Variants in PRDM6 observed in about 807,000 individuals in gnomAD.
PRDM6 encodes putative histone-lysine N-methyltransferase PRDM6.
A neutral mutation model predicts 60.8 loss-of-function variants in PRDM6; 25 were observed. The ratio of observed to expected loss-of-function variants is 0.41; its 90% CI spans 0.30 to 0.57. PRDM6 has a LOEUF of 0.57. Among genes scored for constraint, PRDM6 ranks in the 20% least tolerant of loss-of-function variants. PRDM6 has a pLI of 0.27. For synonymous variants in PRDM6, 407 were observed against 357.4 expected, an observed-to-expected ratio of 1.14 and a Z score of -1.57; for missense variants, 839 against 821.3, an observed-to-expected ratio of 1.02 and a Z score of -0.26.
At chr5:123,089,836 A>G (rs1312905327) in intron 1 of PRDM6, among the ~76,000 whole-genome samples, 164 bp from the exon 2 acceptor site, 1 of 151,706 alleles carries the variant, frequency 6.6e-6, no homozygotes, top group Admixed American at 6.5e-5. Context: ...GCAGCTTCGG[A>G]GTAAACTTTG....
chr5:123,158,604 T>C (rs1342797601), intron 4 of PRDM6, among the ~76,000 whole-genome samples: 3 of 152,212 alleles, frequency 2.0e-5, no homozygotes, highest in Non-Finnish European at 2.9e-5. Flanking sequence ...TGACAAAATA[T>C]GTTGACAAGT....
intron 3 of PRDM6, among the ~76,000 whole-genome samples, chr5:123,129,032 A>G (rs1229260070): frequency 2.0e-5 from 3 of 152,274 alleles, no homozygotes; most frequent in African/African-American, 4.8e-5. Flanking sequence ...TCGTTTCCCC[A>G]TTTCTTATTT....
chr5:123,141,049 G>A (rs1765087243), intron 3 of PRDM6, among the ~76,000 whole-genome samples: 1 of 151,906 alleles, frequency 6.6e-6, no homozygotes, highest in South Asian at 2.1e-4. Flanking sequence ...ATAGAGAAAA[G>A]TATAAGCCAT....
At chr5:123,161,119 C>T (rs139725116) in intron 5 of PRDM6, among the ~76,000 whole-genome samples, 10 of 152,324 alleles carry the variant, frequency 6.6e-5, no homozygotes, top group African/African-American at 1.7e-4. Flanking sequence ...AGAAATCTCA[C>T]GAGATCCTCT....
Position 123,090,585 on chromosome 5 carries a change from C to G in PRDM6, c.571C>G (p.His191Asp). 1 of 1,524,780 alleles carries G rather than the reference C, an allele frequency of 6.6e-7. No individual in the cohort carries two copies. The highest frequency in any genetic ancestry group is 1.2e-5 in the South Asian group (1 of 83,492). 94.5% of individuals were successfully genotyped at this position (1,524,780 alleles called of 1,614,324 possible). ...CATGGAGATCATCCCGCTCAACCAG[C>G]ACACCAGCGACCCCAACAACCGTAC... ...QRMEIIPLNQ[H>D]TSDPNNRCDM... is the part of the protein sequence containing the mutation. The change falls in exon 2 of 8, where the codon CAC (histidine) becomes GAC (aspartate). Residue 191 changes from histidine (H) to aspartate (D), a missense_variant. Transcript: ENST00000407847.
At chr5:123,123,003 T>C (rs921815967) in intron 3 of PRDM6, among the ~76,000 whole-genome samples, 4 of 152,332 alleles carry the variant, frequency 2.6e-5, no homozygotes, top group East Asian at 3.9e-4. Context: ...TAGATTCTTA[T>C]AGATTCTTTT....
chr5:123,131,982 T>C (rs1466891579), intron 3 of PRDM6, among the ~76,000 whole-genome samples: 3 of 152,288 alleles, frequency 2.0e-5, no homozygotes, highest in Admixed American at 2.0e-4. Flanking sequence ...ATAGTATCTG[T>C]TCCATAAAGC....
intron 6 of PRDM6, among the ~76,000 whole-genome samples, chr5:123,175,733 C>T (rs902518893): frequency 1.3e-5 from 2 of 152,132 alleles, no homozygotes; most frequent in Non-Finnish European, 2.9e-5. Flanking sequence ...CAAGTTTTGT[C>T]CTGGAGGCCA....
intron 3 of PRDM6, among the ~76,000 whole-genome samples, chr5:123,119,248 TGAGTA>T (rs966617325): frequency 3.3e-5 from 5 of 151,958 alleles, no homozygotes; most frequent in African/African-American, 9.7e-5. Context: ...AATGTTTAAA[TGAGTA>T]GAGATTAGAG....
intron 3 of PRDM6, among the ~76,000 whole-genome samples, chr5:123,106,383 G>A (rs999158117): frequency 4.6e-5 from 7 of 152,148 alleles, no homozygotes; most frequent in South Asian, 2.1e-4. Flanking sequence ...TGCACAATCC[G>A]GGAGTTCAGT....
At chr5:123,138,185 A>C (rs1765011587) in intron 3 of PRDM6, among the ~76,000 whole-genome samples, 2 of 152,238 alleles carry the variant, frequency 1.3e-5, no homozygotes. Flanking sequence ...ACTTTAAAAA[A>C]CAAGCACATG....
At chr5:123,141,641 T>A (rs1182113120) in intron 3 of PRDM6, among the ~76,000 whole-genome samples, 1 of 152,148 alleles carries the variant, frequency 6.6e-6, no homozygotes, top group African/African-American at 2.4e-5. Context: ...TCTGCCCAGT[T>A]CCACTTAATA....
intron 3 of PRDM6, among the ~76,000 whole-genome samples, chr5:123,127,188 C>T (rs539895081): frequency 1.2e-3 from 178 of 152,308 alleles, no homozygotes; most frequent in African/African-American, 4.3e-3. Flanking sequence ...CAGGCACACA[C>T]CACCATGCCT....
At chr5:123,093,312 A>G (rs1763884307) in intron 2 of PRDM6, among the ~76,000 whole-genome samples, 1 of 152,152 alleles carries the variant, frequency 6.6e-6, no homozygotes, top group African/African-American at 2.4e-5. Flanking sequence ...TAGCAAAGTA[A>G]CTTTTTGCCT....
intron 5 of PRDM6, among the ~76,000 whole-genome samples, chr5:123,161,331 G>C (rs778005975): frequency 2.6e-5 from 4 of 152,214 alleles, no homozygotes; most frequent in Admixed American, 6.5e-5. Context: ...AAGAATCCCT[G>C]CCCTCATGGA....
intron 3 of PRDM6, among the ~76,000 whole-genome samples, chr5:123,137,097 G>A (rs393761): frequency 0.72 from 110,247 of 152,196 alleles, 40,097 homozygotes; most frequent in Non-Finnish European, 0.75. Flanking sequence ...GCATCCTTCA[G>A]ACTGTCCCTG....
chr5:123,167,252 T>C (rs1187811735), intron 5 of PRDM6, among the ~76,000 whole-genome samples: 2 of 152,176 alleles, frequency 1.3e-5, no homozygotes, highest in Non-Finnish European at 2.9e-5. Flanking sequence ...CTAGATCTTA[T>C]TTCTTCTACC....
chr5:123,176,284 C>CA (rs59717543), intron 6 of PRDM6, among the ~76,000 whole-genome samples: 33 of 139,418 alleles, frequency 2.4e-4, no homozygotes, highest in Admixed American at 2.9e-4. Flanking sequence ...AAAAAAAAAA[C>CA]AAAAAAAAAA....
At position 123,099,982 on chromosome 5, in the gene PRDM6, C is replaced by G; in HGVS notation, c.900+21C>G. 6.8e-7 allele frequency: 1 copy of G among 1,480,574 alleles called. No homozygotes were observed. The highest frequency in any genetic ancestry group is 9.0e-7 in the Non-Finnish European group (1 of 1,107,888). The allele number at this position is 1,480,574 out of a possible 1,614,324, so 91.7% of individuals were successfully genotyped here. A position where few individuals can be genotyped will look rare whatever the true frequency, so the allele number is the denominator to read the frequency against. ...GGGAGGTAAGTGGCCGGCTGCACAG[C>G]GCCTCCCCACCGAGCAGGAGCCTTG... On this transcript the variant is annotated intron_variant, in intron 3 of 7. Transcript: ENST00000407847. The surrounding 1 kb of genome is among the most constrained non-coding windows in gnomAD (Gnocchi z 4.0).
Sources: allele counts gnomAD v4.1 joint callset (sites outside exome capture counted in the v4.1 genomes callset), GRCh38; gene constraint gnomAD v4.1.1; non-coding constraint Gnocchi (gnomAD v3.1); transcripts MANE v1.5; gene names NCBI Gene and HGNC (gene_info 2026-07-23, HGNC 2026-07-21).